The following FNDC3B variants were observed in gnomAD, a reference collection of about 807,000 sequenced individuals.
FNDC3B encodes fibronectin type III domain-containing protein 3B.
In FNDC3B, 12 loss-of-function variants were observed where a neutral mutation model predicts 151.5. The observed-to-expected ratio is 0.08, with a 90% CI of 0.05 to 0.13. FNDC3B has a LOEUF of 0.13. Among genes scored for constraint, FNDC3B ranks in the 10% least tolerant of loss-of-function variants. The pLI, the probability that FNDC3B is intolerant of heterozygous loss-of-function variation, is 1.00. For synonymous variants in FNDC3B, 528 were observed against 549.0 expected (o/e 0.96, Z 0.54); for missense variants, 1,214 against 1,505.3 (o/e 0.81, Z 3.20).
At chr3:172,048,681 GGTA>G (rs1239138782) in intron 1 of FNDC3B, among the ~76,000 whole-genome samples, 1 of 151,996 alleles carries the variant, frequency 6.6e-6, no homozygotes, top group Non-Finnish European at 1.5e-5. Context: ...ATACCTAAAA[GGTA>G]GAAACAACCC....
chr3:172,201,047 A>G (rs1184538987), intron 3 of FNDC3B, among the ~76,000 whole-genome samples: 1 of 152,228 alleles, frequency 6.6e-6, no homozygotes, highest in Non-Finnish European at 1.5e-5. Context: ...AATGGAAACC[A>G]ACTTCTTTAT....
intron 1 of FNDC3B, among the ~76,000 whole-genome samples, chr3:172,053,763 C>T (rs376604639): frequency 1.6e-5 from 2 of 128,988 alleles, no homozygotes; most frequent in Non-Finnish European, 3.2e-5. Context: ...GGTGACAGGG[C>T]GAAACTCCGT....
At chr3:172,375,344 G>A (rs1163781931) in intron 23 of FNDC3B, among the ~76,000 whole-genome samples, 1 of 152,190 alleles carries the variant, frequency 6.6e-6, no homozygotes, top group Non-Finnish European at 1.5e-5. Flanking sequence ...GGGTACATCA[G>A]TGTTTCTAGA....
At chr3:172,115,657 A>G (rs1462236218) in intron 2 of FNDC3B, among the ~76,000 whole-genome samples, 1 of 152,152 alleles carries the variant, frequency 6.6e-6, no homozygotes, top group Non-Finnish European at 1.5e-5. Context: ...GATTGACTCT[A>G]GGGGTGGACA....
At chr3:172,145,274 G>A (rs1480616773) in intron 3 of FNDC3B, among the ~76,000 whole-genome samples, 2 of 152,092 alleles carry the variant, frequency 1.3e-5, no homozygotes, top group African/African-American at 4.8e-5. Context: ...GAGGAGGGAG[G>A]TGTAGCATCA....
intron 1 of FNDC3B, among the ~76,000 whole-genome samples, chr3:172,085,718 G>C (rs1718519906): frequency 6.6e-6 from 1 of 152,188 alleles, no homozygotes; most frequent in Non-Finnish European, 1.5e-5. Flanking sequence ...TATGATTGCT[G>C]ATGGTATGCA....
chr3:172,362,300 T>C (rs1240708381), intron 22 of FNDC3B, among the ~76,000 whole-genome samples: 1 of 152,206 alleles, frequency 6.6e-6, no homozygotes, highest in Non-Finnish European at 1.5e-5. Context: ...AAACTGACCA[T>C]GAGGTAGCTA....
chr3:172,237,234 C>T (rs1727215732), intron 4 of FNDC3B: 1 of 152,222 alleles, frequency 6.6e-6, no homozygotes, highest in Non-Finnish European at 1.5e-5. Flanking sequence ...AACAGCAACA[C>T]TTGATTTGTT....
chr3:172,043,607 T>A (rs1040157590), intron 1 of FNDC3B, among the ~76,000 whole-genome samples: 6 of 152,220 alleles, frequency 3.9e-5, no homozygotes, highest in Non-Finnish European at 7.3e-5. Context: ...CATTTTTCTT[T>A]CTTCTACGAT....
At chr3:172,161,214 G>A (rs1722747336) in intron 3 of FNDC3B, among the ~76,000 whole-genome samples, 1 of 152,176 alleles carries the variant, frequency 6.6e-6, no homozygotes, top group Admixed American at 6.5e-5. Flanking sequence ...TTGGTGGGAT[G>A]GAATGTGAAC....
At position 172,362,820 on chromosome 3, in the gene FNDC3B, C is replaced by G. The variant is rs1227062200; in HGVS notation, c.2983C>G (p.Leu995Val). The G allele has an allele frequency of 6.2e-7, 1 of 1,613,700 alleles. No individual in the cohort carries two copies. The highest frequency in any genetic ancestry group is 1.3e-5 in the African/African-American group (1 of 74,898). The change falls in exon 23 of 26, where the codon CTA becomes GTA. Residue 995 changes from leucine to valine, a missense_variant. Leu to Val is a conservative substitution (Grantham distance 32, BLOSUM62 1). Coordinates refer to ENST00000415807, the MANE Select transcript of FNDC3B (RefSeq NM_022763.4). Reference sequence around the variant, plus strand: ...TGCTGCTGAGGACATTGTGTACACACTACAGCTGGAGGACAGAAACAAGAG... The same window carrying G: ...TGCTGCTGAGGACATTGTGTACACAGTACAGCTGGAGGACAGAAACAAGAG... ...THAAEDIVYT[L>V]QLEDRNKRFI...
intron 6 of FNDC3B, among the ~76,000 whole-genome samples, chr3:172,269,889 C>T (rs1390830390): frequency 2.0e-5 from 3 of 152,088 alleles, no homozygotes; most frequent in Non-Finnish European, 2.9e-5. Flanking sequence ...CCTCGTGATC[C>T]GCCCACCTCA....
At chr3:172,160,285 TG>T (rs1214699459) in intron 3 of FNDC3B, among the ~76,000 whole-genome samples, 1 of 152,206 alleles carries the variant, frequency 6.6e-6, no homozygotes, top group African/African-American at 2.4e-5. Context: ...TTGCCTGTTG[TG>T]GATTTTGGCT....
intron 5 of FNDC3B, among the ~76,000 whole-genome samples, chr3:172,248,330 T>G (rs1031881891): frequency 6.6e-6 from 1 of 152,178 alleles, no homozygotes; most frequent in African/African-American, 2.4e-5. Flanking sequence ...GCTTTTAGTT[T>G]AAGAGTAGCC....
chr3:172,190,011 G>A (rs1440680068), intron 3 of FNDC3B, among the ~76,000 whole-genome samples: 3 of 152,114 alleles, frequency 2.0e-5, no homozygotes, highest in Non-Finnish European at 4.4e-5. Flanking sequence ...GATACGTCAA[G>A]TCTTGATCAA....
At chr3:172,099,502 TG>T (rs1195659164) in intron 1 of FNDC3B, among the ~76,000 whole-genome samples, 1 of 152,200 alleles carries the variant, frequency 6.6e-6, no homozygotes, top group African/African-American at 2.4e-5. Context: ...GCTTTGAATC[TG>T]GGGCATGAGT....
intron 7 of FNDC3B, among the ~76,000 whole-genome samples, chr3:172,292,363 A>T (rs974157616): frequency 8.5e-5 from 13 of 152,252 alleles, no homozygotes; most frequent in Non-Finnish European, 2.9e-5. Context: ...TGCTGATGAC[A>T]GTGTACATCC....
chr3:172,236,945 G>T (rs1256687802), intron 4 of FNDC3B, among the ~76,000 whole-genome samples: 1 of 152,118 alleles, frequency 6.6e-6, no homozygotes, highest in South Asian at 2.1e-4. Flanking sequence ...AAAGAGCTAG[G>T]TGTTCTGGTA....
chr3:172,185,009 G>A (rs966467790), intron 3 of FNDC3B, among the ~76,000 whole-genome samples: 6 of 152,170 alleles, frequency 3.9e-5, no homozygotes, highest in Admixed American at 2.6e-4. Flanking sequence ...GGAAGTCACC[G>A]TCTTAAGTGC....
Sources: gnomAD v4.1 joint callset for allele counts (sites outside exome capture counted in the v4.1 genomes callset) on GRCh38, gnomAD v4.1.1 for gene constraint, MANE v1.5 for transcripts, NCBI Gene and HGNC (gene_info 2026-07-23, HGNC 2026-07-21) for gene names.